Variants in SORCS2 observed in about 807,000 individuals in gnomAD.
SORCS2 encodes VPS10 domain-containing receptor SorCS2.
Under a neutral mutation model 141.6 loss-of-function variants are expected in SORCS2, and 100 were observed. That is an observed-to-expected ratio of 0.71 (90% confidence interval 0.60 to 0.83). The LOEUF (loss-of-function observed/expected upper bound fraction) is 0.83, where lower values mean the gene tolerates loss of function less well. SORCS2 is among the 40% of genes least tolerant of loss of function. SORCS2 has a pLI of 0.00. For synonymous variants in SORCS2, 789 were observed against 676.9 expected (o/e 1.17, Z -2.57); for missense variants, 1,646 against 1,560.2 (o/e 1.05, Z -0.93).
chr4:7,427,994 C>T (rs958565872), intron 2 of SORCS2, among the ~76,000 whole-genome samples: 1 of 152,106 alleles, frequency 6.6e-6, no homozygotes, highest in Non-Finnish European at 1.5e-5. Context: ...GGAACAGGTT[C>T]GCTCACCTGG....
At chr4:7,343,841 G>A (rs993177122) in intron 1 of SORCS2, among the ~76,000 whole-genome samples, 1 of 152,198 alleles carries the variant, frequency 6.6e-6, no homozygotes, top group African/African-American at 2.4e-5. Context: ...TCTGCTCCAC[G>A]AGGAAGGTTG....
intron 19 of SORCS2, among the ~76,000 whole-genome samples, chr4:7,724,489 G>GTGGTGATGGTGGTGATAGGGTGGTGGTGA (rs1560113913): frequency 6.0e-4 from 87 of 143,834 alleles, no homozygotes; most frequent in Non-Finnish European, 1.1e-3. Context: ...GGTGATGGTG[G>GTGGTGATGGTGGTGATAGGGTGGTGGTGA]TGGTGGTGAC....
intron 1 of SORCS2, among the ~76,000 whole-genome samples, chr4:7,328,751 G>T (rs1719447523): frequency 2.0e-5 from 3 of 152,174 alleles, no homozygotes; most frequent in Admixed American, 2.0e-4. Flanking sequence ...GACAAGTCCT[G>T]GTCTTGCCAC....
At chr4:7,317,020 C>T (rs561498044) in intron 1 of SORCS2, among the ~76,000 whole-genome samples, 2 of 152,276 alleles carry the variant, frequency 1.3e-5, no homozygotes, top group East Asian at 1.9e-4. Flanking sequence ...TGCATGGAGA[C>T]CCTGTTACTC....
chr4:7,434,724 G>T, intron 2 of SORCS2: 1 of 1,613,086 alleles, frequency 6.2e-7, no homozygotes, highest in Non-Finnish European at 8.5e-7. Context: ...TGTTCCATAC[G>T]GCCCCTTGGC....
At position 7,550,724 on chromosome 4, in the gene SORCS2, A is replaced by T. The variant is rs34996971; in HGVS notation, c.648+19095A>T. ...CTTGATGGACTCTTCCAACAGGACA[A>T]TCCACTGTAGGGGAGAGGTTATCCT... On this transcript the variant is annotated intron_variant, in intron 3 of 26. Transcript: ENST00000507866. 2.8e-3 allele frequency among the ~76,000 whole-genome samples: 430 copies of T among 152,210 alleles called. 1 individual carries two copies. The highest frequency in any genetic ancestry group is 1.0e-2 in the African/African-American group (413 of 41,500).
At chr4:7,464,344 G>T (rs1335780621) in intron 2 of SORCS2, among the ~76,000 whole-genome samples, 1 of 152,150 alleles carries the variant, frequency 6.6e-6, no homozygotes, top group Non-Finnish European at 1.5e-5. Flanking sequence ...TCACCAGGGG[G>T]AAAAAGAATG....
intron 2 of SORCS2, among the ~76,000 whole-genome samples, chr4:7,406,708 T>C (rs537053498): frequency 6.6e-6 from 1 of 152,024 alleles, no homozygotes; most frequent in Admixed American, 6.5e-5. Context: ...TCTGTATAGT[T>C]TGGTAGTCTC....
intron 2 of SORCS2, among the ~76,000 whole-genome samples, chr4:7,515,284 C>T (rs1032470266): frequency 6.6e-6 from 1 of 152,214 alleles, no homozygotes; most frequent in Non-Finnish European, 1.5e-5. Flanking sequence ...ACATGGGCCT[C>T]GGGCACGCAC....
chr4:7,689,622 G>A lies in SORCS2; in HGVS notation c.1591+34G>A, dbSNP rs1445621596. ...CTTCCATCACAGGTGGCTGGCAGGT[G>A]CCATTACAGCCCAAGAGTACCTCCA... On this transcript the variant is annotated intron_variant, in intron 11 of 26. Transcript: ENST00000507866. 2.0e-6 allele frequency: 3 copies of A among 1,536,612 alleles called. No individual in the cohort carries two copies. The South Asian group carries it at 3.6e-5, about 18-fold the overall frequency.
intron 2 of SORCS2, among the ~76,000 whole-genome samples, chr4:7,511,640 C>T (rs1024346802): frequency 1.3e-5 from 2 of 152,032 alleles, no homozygotes; most frequent in Admixed American, 6.6e-5. Flanking sequence ...GGCGTGGCCC[C>T]GTGAAGGCCT....
At chr4:7,325,819 C>T (rs1041901001) in intron 1 of SORCS2, among the ~76,000 whole-genome samples, 16 of 152,254 alleles carry the variant, frequency 1.1e-4, no homozygotes, top group East Asian at 3.9e-4. Context: ...CAGAGACACC[C>T]GTTACCATCC....
chr4:7,414,201 C>A (rs995510435), intron 2 of SORCS2, among the ~76,000 whole-genome samples: 12 of 152,234 alleles, frequency 7.9e-5, no homozygotes, highest in African/African-American at 2.9e-4. Flanking sequence ...GGCCAGCCAA[C>A]CAGGATCCTG....
At chr4:7,198,668 CAA>C (rs980513789) in intron 1 of SORCS2, among the ~76,000 whole-genome samples, 20 of 152,252 alleles carry the variant, frequency 1.3e-4, no homozygotes, top group African/African-American at 4.6e-4. Context: ...AGGCAGAGGT[CAA>C]GGGATGTGGT....
intron 21 of SORCS2, among the ~76,000 whole-genome samples, chr4:7,727,405 A>G (rs114393161): frequency 0.024 from 3,457 of 141,992 alleles, 57 homozygotes; most frequent in Middle Eastern, 0.053. Flanking sequence ...TACAATACCA[A>G]CTGGTCCTAA....
intron 12 of SORCS2, among the ~76,000 whole-genome samples, chr4:7,702,564 GTCC>G (rs1408041378): frequency 2.0e-5 from 3 of 152,210 alleles, no homozygotes; most frequent in Non-Finnish European, 4.4e-5. Flanking sequence ...GGTGAGCCCT[GTCC>G]AGGCCACCCT....
At chr4:7,526,684 G>A (rs185602254) in intron 2 of SORCS2, among the ~76,000 whole-genome samples, 17 of 152,256 alleles carry the variant, frequency 1.1e-4, no homozygotes, top group South Asian at 8.3e-4. Context: ...GTAATGTCGC[G>A]TCAGGGCGGC....
intron 3 of SORCS2, among the ~76,000 whole-genome samples, chr4:7,602,964 C>T (rs184246576): frequency 6.6e-6 from 1 of 152,320 alleles, no homozygotes; most frequent in African/African-American, 2.4e-5. Context: ...GGAGACCAGC[C>T]CGACCAACAT....
intron 23 of SORCS2, among the ~76,000 whole-genome samples, chr4:7,730,469 A>T (rs1336241248): frequency 6.6e-6 from 1 of 152,258 alleles, no homozygotes; most frequent in Non-Finnish European, 1.5e-5. Context: ...TCACAGCAGC[A>T]TTACTCATCG....
Sources: allele counts gnomAD v4.1 joint callset (sites outside exome capture counted in the v4.1 genomes callset), GRCh38; gene constraint gnomAD v4.1.1; transcripts MANE v1.5; gene names NCBI Gene and HGNC (gene_info 2026-07-23, HGNC 2026-07-21).